ACAP1: variants seen among roughly 807,000 people sequenced by gnomAD.
ACAP1 encodes arf-GAP with coiled-coil, ANK repeat and PH domain-containing protein 1.
A neutral mutation model predicts 98.8 loss-of-function variants in ACAP1; 45 were observed. That is an observed-to-expected ratio of 0.46 (90% CI 0.36 to 0.58). ACAP1 has a LOEUF of 0.58. Ranked by LOEUF, ACAP1 falls within the 20% of genes least tolerant of loss-of-function variation. The probability of loss-of-function intolerance (pLI) is 0.00; values close to 1 mark genes in which losing one functional copy is unlikely to be tolerated. For missense variants in ACAP1, 735 were observed against 971.4 expected, an observed-to-expected ratio of 0.76 and a Z score of 3.24; for synonymous variants, 362 against 375.3, an observed-to-expected ratio of 0.96 and a Z score of 0.41.
At position 7,346,511 on chromosome 17, in the gene ACAP1, G is replaced by A. The variant is rs1376875626; in HGVS notation, c.1007+20G>A. ...CAGCAAGTGAGTGCAATCCCCAGGG[G>A]TGATACTCTAATATATCTAAACAAC... On this transcript the variant is annotated intron_variant, in intron 12 of 21. Transcript: ENST00000158762. 4 of 1,569,362 alleles carry A rather than the reference G, an allele frequency of 2.5e-6. No individual in the cohort carries two copies. The South Asian group carries it at 3.6e-5, about 14-fold the overall frequency.
At chr17:7,340,761 G>A (rs958850560) in intron 2 of ACAP1, among the ~76,000 whole-genome samples, 1 of 152,172 alleles carries the variant, frequency 6.6e-6, no homozygotes, top group Non-Finnish European at 1.5e-5. Context: ...CAGGAGGATC[G>A]CTTGAACCTG....
intron 2 of ACAP1, 66 bp from the exon 3 acceptor site, chr17:7,341,882 G>C (rs2073283732): frequency 6.2e-7 from 1 of 1,600,588 alleles, no homozygotes; most frequent in Non-Finnish European, 8.5e-7. Context: ...AAGTGGGGCA[G>C]GTGTGGGGGC....
intron 2 of ACAP1, among the ~76,000 whole-genome samples, chr17:7,341,044 T>C (rs1178891906): frequency 2.0e-5 from 3 of 152,152 alleles, no homozygotes; most frequent in African/African-American, 7.2e-5. Context: ...CCCCGGCATT[T>C]CCTCTTGGCC....
Position 7,343,061 on chromosome 17 carries a change from C to T in ACAP1, c.345-318C>T, listed in dbSNP as rs950513775. ...TGCCACTGTACTCCAGCCTGGGTAA[C>T]AGAGCAAGACCCGGTCTCAAAAACA... is the stretch of plus-strand genomic sequence containing the variant. On this transcript the variant is annotated intron_variant, in intron 5 of 21. Transcript: ENST00000158762. This position sits in a 1 kb window ranked among gnomAD's most constrained non-coding sequence, Gnocchi z 4.9. 1.5e-5 allele frequency: 4 copies of T among 271,084 alleles called. No homozygotes were observed. Among genetic ancestry groups the T allele is most frequent in the Non-Finnish European group, 2.8e-5 (4 of 142,820 alleles). 16.8% of individuals were successfully genotyped at this position (271,084 alleles called of 1,614,324 possible).
chr17:7,348,245 A>G, intron 16 of ACAP1, 24 bp downstream of exon 16: 1 of 1,612,226 alleles, frequency 6.2e-7, no homozygotes, highest in Non-Finnish European at 8.5e-7. Context: ...TTAGCCTCCC[A>G]GGGGAATGGG....
chr17:7,344,192 G>T lies in ACAP1; in HGVS notation c.744+69G>T. 6.7e-7 allele frequency: 1 copy of T among 1,498,712 alleles called. No homozygotes were observed. Among genetic ancestry groups the T allele is most frequent in the Non-Finnish European group, 9.1e-7 (1 of 1,100,702 alleles). 92.8% of individuals were successfully genotyped at this position (1,498,712 alleles called of 1,614,324 possible). ...GTTGGGAGGCTGAGGTGGGAAGATT[G>T]CTTGAGGCCTGGAGTTCAAGATTAG... On this transcript the variant is annotated intron_variant, in intron 9 of 21. Transcript: ENST00000158762. The surrounding 1 kb of genome is among the most constrained non-coding windows in gnomAD (Gnocchi z 4.9).
At chr17:7,349,846 C>A in intron 18 of ACAP1, 99 bp from the exon 19 acceptor site, 1 of 970,224 alleles carries the variant, frequency 1.0e-6, no homozygotes, top group Non-Finnish European at 1.6e-6. Flanking sequence ...TTACCACACT[C>A]CACCCTCCCA....
chr17:7,337,734 G>A (rs1233450664), intron 2 of ACAP1, among the ~76,000 whole-genome samples: 1 of 152,076 alleles, frequency 6.6e-6, no homozygotes, highest in Non-Finnish European at 1.5e-5. Flanking sequence ...CCCATCTGTA[G>A]CTCCAGCTAC....
Position 7,350,132 on chromosome 17 carries a change from C to T in ACAP1, c.1967C>T (p.Ala656Val). The T allele has an allele frequency of 6.2e-7, 1 of 1,614,192 alleles. No homozygotes were observed. The highest frequency in any genetic ancestry group is 8.5e-7 in the Non-Finnish European group (1 of 1,180,000). Residue 656 changes from alanine to valine, a missense_variant, in exon 20 of 22, where the codon GCC becomes GTC. Physicochemically the swap from Ala to Val is moderately conservative, Grantham distance 64. Transcript: ENST00000158762. This position sits in a 1 kb window ranked among gnomAD's most constrained non-coding sequence, Gnocchi z 4.6. ...ACCCTGGCTCTTCTCTCCAGGCTCG[C>T]CTGCCTGTTCCTGAAACGGGGAGCT... ...HATILGHTGL[A>V]CLFLKRGADL...
chr17:7,347,595 C>T (rs1293257827), intron 14 of ACAP1: 1 of 536,840 alleles, frequency 1.9e-6, no homozygotes. Context: ...TCGCCCCCCA[C>T]CTCAGTGTGG....
At chr17:7,348,711 AG>A (rs1226581944) in intron 17 of ACAP1, 23 of 560,296 alleles carry the variant, frequency 4.1e-5, no homozygotes, top group Non-Finnish European at 6.1e-5. Context: ...GGAGAGAGAG[AG>A]GGGGTGGGTT....
chr17:7,350,274 C>G lies in ACAP1; in HGVS notation c.2072+37C>G. On this transcript the variant is annotated intron_variant, in intron 20 of 21. Coordinates refer to ENST00000158762, the MANE Select transcript of ACAP1 (RefSeq NM_014716.4). This position sits in a 1 kb window ranked among gnomAD's most constrained non-coding sequence, Gnocchi z 4.6. The stretch of plus-strand genomic sequence containing the variant: ...TGAAGGGGCGGGGCTGGCGCTGGGA[C>G]TCCCCCCACCCCCGCCCACCCACGT... 1.3e-6 allele frequency: 2 copies of G among 1,559,176 alleles called. No individual in the cohort carries two copies. The highest frequency in any genetic ancestry group is 1.8e-6 in the Non-Finnish European group (2 of 1,133,862).
At chr17:7,340,093 C>T (rs2073261266) in intron 2 of ACAP1, among the ~76,000 whole-genome samples, 1 of 151,688 alleles carries the variant, frequency 6.6e-6, no homozygotes, top group Non-Finnish European at 1.5e-5. Context: ...AGACCCTTGT[C>T]TCTAAATAAT....
Position 7,346,829 on chromosome 17 carries a change from C to T in ACAP1, c.1029C>T (p.Asp343=), listed in dbSNP as rs2073350908. 6.2e-7 allele frequency: 1 copy of T among 1,613,244 alleles called. No homozygotes were observed. The highest frequency in any genetic ancestry group is 2.2e-5 in the East Asian group (1 of 44,874). ...CTAGGTCCTGCCTCCTCCAGGCTGA[C>T]TCAGAGCGCCTCCTGCAGCTGTGGG... The part of the protein sequence containing the change: ...STSKSCLLQA[D]SERLLQLWVS... The change falls in exon 13 of 22, where the codon GAC becomes GAT. Residue 343 remains aspartate, a synonymous_variant. Coordinates refer to ENST00000158762, the MANE Select transcript of ACAP1 (RefSeq NM_014716.4).
intron 10 of ACAP1, 190 bp from the exon 11 acceptor site, chr17:7,346,054 C>A: frequency 1.6e-6 from 1 of 626,754 alleles, no homozygotes. Context: ...CTGGGTTGTC[C>A]AAGATAGGAA....
Position 7,336,612 on chromosome 17 carries a change from C to T in ACAP1, c.-123C>T. ...GAAAGAATTGTGCCCCCAGGCCCTT[C>T]CCCGCGGAGGTCCCTCTCCTCCTTC... On this transcript the variant is annotated 5_prime_UTR_variant, in exon 1 of 22. Coordinates refer to ENST00000158762, the MANE Select transcript of ACAP1 (RefSeq NM_014716.4). 1 of 1,012,888 alleles carries T rather than the reference C, an allele frequency of 9.9e-7. No individual in the cohort carries two copies. The highest frequency in any genetic ancestry group is 1.5e-6 in the Non-Finnish European group (1 of 650,028). The allele number at this position is 1,012,888 out of a possible 1,614,324, so 62.7% of individuals were successfully genotyped here.
intron 3 of ACAP1, 76 bp from the exon 4 acceptor site, chr17:7,342,199 T>G (rs2073290214): frequency 6.2e-7 from 1 of 1,606,156 alleles, no homozygotes; most frequent in African/African-American, 1.3e-5. Flanking sequence ...ATGACAGCCG[T>G]AGCAGGCTGG....
In ACAP1 at chr17:7,347,092, G is replaced by A. The variant is rs771049715; in HGVS notation, c.1193G>A (p.Gly398Glu). The change falls in exon 14 of 22, where the codon GGA (glycine) becomes GAA (glutamate). Residue 398 changes from glycine to glutamate, a missense_variant. Coordinates refer to ENST00000158762, the MANE Select transcript of ACAP1 (RefSeq NM_014716.4). ...ATLGSGGMARGREPGGVGHVV... is the reference protein window; with the variant it reads ...ATLGSGGMAREREPGGVGHVV... ...CTGGGCTCTGGTGGAATGGCCAGGG[G>A]AAGGGAGCCTGGGGGAGTCGGGCAC... 7.4e-6 allele frequency: 12 copies of A among 1,612,904 alleles called. No individual in the cohort carries two copies. The highest frequency in any genetic ancestry group is 9.3e-6 in the Non-Finnish European group (11 of 1,179,376).
chr17:7,344,168 T>C lies in ACAP1; in HGVS notation c.744+45T>C, dbSNP rs2073325747. On this transcript the variant is annotated intron_variant, in intron 9 of 21. Transcript: ENST00000158762. The surrounding 1 kb of genome is among the most constrained non-coding windows in gnomAD (Gnocchi z 4.9). ...GGCCCACGACCGTCATCCCAACATG[T>C]TGGGAGGCTGAGGTGGGAAGATTGC... 2 of 1,544,902 alleles carry C rather than the reference T, an allele frequency of 1.3e-6. No individual in the cohort carries two copies. The highest frequency in any genetic ancestry group is 1.8e-6 in the Non-Finnish European group (2 of 1,141,294).
Sources: allele counts gnomAD v4.1 joint callset (sites outside exome capture counted in the v4.1 genomes callset), GRCh38; gene constraint gnomAD v4.1.1; non-coding constraint Gnocchi (gnomAD v3.1); transcripts MANE v1.5; gene names NCBI Gene and HGNC (gene_info 2026-07-23, HGNC 2026-07-21).